Variants in NLRP5 observed in about 807,000 individuals in gnomAD.
NLRP5 encodes the protein NLR family pyrin domain containing 5.
In NLRP5, 93 loss-of-function variants were observed where a neutral mutation model predicts 113.1. The observed-to-expected ratio is 0.82, with a 90% CI of 0.70 to 0.98. The LOEUF (loss-of-function observed/expected upper bound fraction) is 0.98, where lower values mean the gene tolerates loss of function less well. Ranked by LOEUF, NLRP5 falls within the 50% of genes least tolerant of loss-of-function variation. NLRP5 has a pLI of 0.00. For synonymous variants in NLRP5, 751 were observed against 600.7 expected, an observed-to-expected ratio of 1.25 and a Z score of -3.66; for missense variants, 1,808 against 1,514.3, an observed-to-expected ratio of 1.19 and a Z score of -3.22.
At chr19:56,022,710 A>C (rs1381998568) in intron 6 of NLRP5, among the ~76,000 whole-genome samples, 1 of 152,158 alleles carries the variant, frequency 6.6e-6, no homozygotes, top group Admixed American at 6.6e-5. Context: ...TTTTGTTAGA[A>C]GTAAAAGATG....
At chr19:56,039,602 T>C (rs1394716601) in intron 10 of NLRP5, among the ~76,000 whole-genome samples, 1 of 152,118 alleles carries the variant, frequency 6.6e-6, no homozygotes, top group East Asian at 1.9e-4. Flanking sequence ...CTGGAATCAC[T>C]TCAGTGCTAC....
At chr19:56,037,448 G>A (rs1016862036) in intron 9 of NLRP5, among the ~76,000 whole-genome samples, 3 of 152,046 alleles carry the variant, frequency 2.0e-5, no homozygotes, top group Non-Finnish European at 4.4e-5. Context: ...GTAATCCAGT[G>A]CTTTGGGAGG....
intron 7 of NLRP5, among the ~76,000 whole-genome samples, chr19:56,030,358 A>T (rs1022689369): frequency 1.3e-5 from 2 of 152,020 alleles, no homozygotes; most frequent in African/African-American, 4.8e-5. Context: ...TGACAGAGTG[A>T]GACTCTATCT....
chr19:56,053,924 G>A, intron 13 of NLRP5, 116 bp downstream of exon 13: 1 of 915,166 alleles, frequency 1.1e-6, no homozygotes, highest in East Asian at 2.5e-5. Context: ...CCTCAAGTTA[G>A]ATGGAGTGCA....
intron 9 of NLRP5, among the ~76,000 whole-genome samples, chr19:56,036,644 G>C (rs1447420071): frequency 1.3e-5 from 2 of 152,138 alleles, no homozygotes; most frequent in African/African-American, 4.8e-5. Flanking sequence ...GGCTTGGAGA[G>C]CTCTAAAAGT....
chr19:56,007,910 T>C (rs55667439), intron 2 of NLRP5, among the ~76,000 whole-genome samples: 15 of 25,140 alleles, frequency 6.0e-4, no homozygotes, highest in Non-Finnish European at 1.1e-3. Flanking sequence ...CGTGCGTGTG[T>C]GTGTGTGTGT....
intron 12 of NLRP5, 77 bp downstream of exon 12, chr19:56,050,665 A>G (rs1048396413): frequency 2.8e-6 from 4 of 1,429,326 alleles, no homozygotes; most frequent in Admixed American, 4.5e-5. Context: ...AGATAGGAGC[A>G]GGGAGACCGG....
At chr19:56,019,155 C>T in intron 4 of NLRP5, 187 bp from the exon 5 acceptor site, 2 of 646,098 alleles carry the variant, frequency 3.1e-6, no homozygotes, top group Non-Finnish European at 5.5e-6. Flanking sequence ...CTGGGACCCT[C>T]ACCCTCAAGC....
upstream of NLRP5, among the ~76,000 whole-genome samples, chr19:55,995,951 C>T (rs1275153440): frequency 6.6e-6 from 1 of 152,056 alleles, no homozygotes; most frequent in Admixed American, 6.6e-5. Context: ...TAAAAACTTG[C>T]ATCATACTGA....
At chr19:56,007,319 G>A (rs1280163192) in intron 2 of NLRP5, among the ~76,000 whole-genome samples, 1 of 150,412 alleles carries the variant, frequency 6.6e-6, no homozygotes, top group East Asian at 2.0e-4. Context: ...AGCTGAGATT[G>A]TGCCGTTGCA....
At chr19:56,037,876 G>T in intron 9 of NLRP5, 149 bp from the exon 10 acceptor site, 1 of 715,080 alleles carries the variant, frequency 1.4e-6, no homozygotes. Flanking sequence ...TGCACTGGAA[G>T]GAACAGCAAC....
chr19:56,060,842 A>T (rs532340746), intron 14 of NLRP5, among the ~76,000 whole-genome samples: 1 of 152,296 alleles, frequency 6.6e-6, no homozygotes, highest in Non-Finnish European at 1.5e-5. Flanking sequence ...TGTCGGGGGA[A>T]AAAAGCCCTA....
chr19:56,006,885 G>A lies in NLRP5; in HGVS notation c.443-1903G>A, dbSNP rs1469271385. Among the ~76,000 whole-genome samples, 6 of 151,518 alleles carry A rather than the reference G, an allele frequency of 4.0e-5. No individual in the cohort carries two copies. The South Asian group carries it at 1.2e-3, about 32-fold the overall frequency. ...CTCCTGAGTAGCTGAGACTACAGGT[G>A]CCCGCCAGCACTCCTGGCTAATTTT... On this transcript the variant is annotated intron_variant, in intron 2 of 14. Coordinates refer to ENST00000390649, the MANE Select transcript of NLRP5 (RefSeq NM_153447.4).
rs369349527 is a variant in NLRP5 at position 56,003,823 on chromosome 19, C to G, written c.170C>G (p.Ser57Trp). 13 of 1,613,838 alleles carry G rather than the reference C, an allele frequency of 8.1e-6. No homozygotes were observed. The African/African-American group carries it at 1.5e-4, about 18-fold the overall frequency. ...TGTATCAAGATGGAAGGAGACAAAT[C>G]GCTCACCTTTTCCAGCTACGGGCTG... The change falls in exon 2 of 15, where the codon TCG becomes TGG. Residue 57 changes from serine to tryptophan, a missense_variant. Physicochemically the swap from Ser to Trp is radical, Grantham distance 177. Transcript: ENST00000390649.
rs548057568 is a variant in NLRP5 at position 56,041,792 on chromosome 19, AC to A, written c.2957+701del. 3.5e-4 allele frequency among the ~76,000 whole-genome samples: 53 copies of A among 152,252 alleles called. 1 individual carries two copies. Among genetic ancestry groups the A allele is most frequent in the Middle Eastern group, 3.4e-3 (1 of 294 alleles). On this transcript the variant is annotated intron_variant, in intron 11 of 14. Transcript: ENST00000390649. ...GTGAAATCCCATCTCTACTAAAAATACAAAAAATTAGCCGGGTGTGGTGGCG... is the reference window on the plus strand; with the variant it reads ...GTGAAATCCCATCTCTACTAAAAATAAAAAAATTAGCCGGGTGTGGTGGCG...
chr19:56,023,852 C>T (rs1157649094), intron 6 of NLRP5, among the ~76,000 whole-genome samples: 2 of 152,140 alleles, frequency 1.3e-5, no homozygotes, highest in South Asian at 2.1e-4. Flanking sequence ...TATGTGGAGA[C>T]TTTGCATACA....
In NLRP5 at chr19:56,004,102, G is replaced by A. The variant is rs772560368; in HGVS notation, c.442+7G>A. 11 of 1,595,002 alleles carry A rather than the reference G, an allele frequency of 6.9e-6. No homozygotes were observed. The highest frequency in any genetic ancestry group is 2.2e-5 in the East Asian group (1 of 44,662). On this transcript the variant is annotated splice_region_variant and intron_variant, in intron 2 of 14. Coordinates refer to ENST00000390649, the MANE Select transcript of NLRP5 (RefSeq NM_153447.4). ...GCACGGGATGACATGAAAAGTAAGC[G>A]AGACTTGGGACAAGTCTAGGGCAGG...
chr19:56,042,142 G>C (rs1366961555), intron 11 of NLRP5, among the ~76,000 whole-genome samples: 1 of 152,188 alleles, frequency 6.6e-6, no homozygotes, highest in Non-Finnish European at 1.5e-5. Context: ...GAAGGACTGA[G>C]CACTCCCGGT....
At chr19:56,034,737 C>A (rs1278319103) in intron 9 of NLRP5, among the ~76,000 whole-genome samples, 1 of 152,198 alleles carries the variant, frequency 6.6e-6, no homozygotes, top group African/African-American at 2.4e-5. Context: ...TCAAGTGTTA[C>A]ACACTTTCTT....
Sources: gnomAD v4.1 joint callset for allele counts (sites outside exome capture counted in the v4.1 genomes callset) on GRCh38, gnomAD v4.1.1 for gene constraint, MANE v1.5 for transcripts, NCBI Gene and HGNC (gene_info 2026-07-23, HGNC 2026-07-21) for gene names.